BABAM2: variants seen among roughly 807,000 people sequenced by gnomAD.
The protein encoded by BABAM2 is BRISC and BRCA1 A complex member 2.
BABAM2 carries 31 observed loss-of-function variants against 54.7 expected under a neutral mutation model. The ratio of observed to expected loss-of-function variants is 0.57; its 90% CI spans 0.43 to 0.77. The LOEUF (loss-of-function observed/expected upper bound fraction) is 0.77. BABAM2 is among the 30% of genes least tolerant of loss of function. The pLI, the probability that BABAM2 is intolerant of heterozygous loss-of-function variation, is 0.00. For synonymous variants in BABAM2, 167 were observed against 162.9 expected (o/e 1.03, Z -0.19); for missense variants, 364 against 455.8 (o/e 0.80, Z 1.83).
intron 11 of BABAM2, among the ~76,000 whole-genome samples, chr2:28,333,324 C>A (rs1375985671): frequency 6.6e-6 from 1 of 152,160 alleles, no homozygotes; most frequent in Non-Finnish European, 1.5e-5. Flanking sequence ...GAGCCTGCCC[C>A]GCACAGGCTA....
At chr2:28,126,714 G>T (rs1381739680) in intron 6 of BABAM2, among the ~76,000 whole-genome samples, 1 of 131,612 alleles carries the variant, frequency 7.6e-6, no homozygotes. Flanking sequence ...CTGAGGAATC[G>T]CCACACTGAC....
chr2:28,147,114 T>C (rs72814485), intron 7 of BABAM2, among the ~76,000 whole-genome samples: 33,303 of 151,966 alleles, frequency 0.22, 4,645 homozygotes, highest in Middle Eastern at 0.33. Flanking sequence ...AGTTGCAGAG[T>C]GAAAAGCAGG....
At chr2:28,194,931 C>T (rs7600234) in intron 7 of BABAM2, among the ~76,000 whole-genome samples, 16,728 of 152,114 alleles carry the variant, frequency 0.11, 1,004 homozygotes, top group African/African-American at 0.14. Context: ...CCTGGCATCA[C>T]GTGATCCACC....
chr2:28,305,826 T>G (rs984269793), intron 11 of BABAM2, among the ~76,000 whole-genome samples: 1 of 152,140 alleles, frequency 6.6e-6, no homozygotes, highest in Admixed American at 6.5e-5. Context: ...TTTCTTAGAG[T>G]AGAAGCTTAG....
At chr2:28,316,098 A>G (rs1001131723) in intron 11 of BABAM2, among the ~76,000 whole-genome samples, 2 of 152,196 alleles carry the variant, frequency 1.3e-5, no homozygotes, top group Non-Finnish European at 2.9e-5. Context: ...ACAACAAATA[A>G]TTTAGTGTAA....
chr2:27,933,040 C>G lies in BABAM2; in HGVS notation c.205+3132C>G, dbSNP rs145036657. 6.3e-3 allele frequency among the ~76,000 whole-genome samples: 962 copies of G among 152,286 alleles called. 7 individuals carry two copies. The highest frequency in any genetic ancestry group is 7.8e-3 in the Non-Finnish European group (534 of 68,026). ...TAGAGAAGAAATGAGTGTGTGTGGT[C>G]AGTCCACAGTCTTGAGACAAAAATA... On this transcript the variant is annotated intron_variant, in intron 3 of 11. Transcript: ENST00000379624.
At chr2:28,233,105 C>A in intron 7 of BABAM2, 1 of 399,442 alleles carries the variant, frequency 2.5e-6, no homozygotes, top group South Asian at 1.9e-5. Context: ...AAGGTACCTT[C>A]TCATCAGAAC....
intron 4 of BABAM2, among the ~76,000 whole-genome samples, chr2:28,005,634 A>T (rs2148520601): frequency 6.6e-6 from 1 of 152,292 alleles, no homozygotes; most frequent in South Asian, 2.1e-4. Context: ...ATGGCTATAA[A>T]TTTGTAAGTA....
At chr2:27,926,495 C>G (rs998857195) in intron 2 of BABAM2, among the ~76,000 whole-genome samples, 1 of 152,166 alleles carries the variant, frequency 6.6e-6, no homozygotes, top group African/African-American at 2.4e-5. Context: ...ATTCAGTTTT[C>G]GGATTTCACC....
At chr2:28,223,025 A>T (rs1217006157) in intron 7 of BABAM2, among the ~76,000 whole-genome samples, 1 of 152,230 alleles carries the variant, frequency 6.6e-6, no homozygotes, top group Non-Finnish European at 1.5e-5. Context: ...TATTTAAATT[A>T]GTGGATATTT....
intron 6 of BABAM2, among the ~76,000 whole-genome samples, chr2:28,112,081 T>TACTC (rs1299159191): frequency 8.0e-5 from 9 of 113,074 alleles, no homozygotes; most frequent in South Asian, 2.9e-4. Flanking sequence ...AGATACCCAT[T>TACTC]ACTCTTTCTT....
intron 10 of BABAM2, among the ~76,000 whole-genome samples, chr2:28,288,331 T>C (rs1462751287): frequency 8.6e-6 from 1 of 116,956 alleles, no homozygotes; most frequent in Admixed American, 8.0e-5. Flanking sequence ...TTTCTTTTCT[T>C]TTTTTTTTTT....
chr2:28,009,111 C>A (rs1674195526), intron 4 of BABAM2, among the ~76,000 whole-genome samples: 5 of 152,088 alleles, frequency 3.3e-5, no homozygotes, highest in Non-Finnish European at 7.4e-5. Flanking sequence ...TGAGAAAATT[C>A]ATCGGAAAAG....
intron 6 of BABAM2, 131 bp from the exon 7 acceptor site, chr2:28,129,139 CA>C (rs1413710437): frequency 3.7e-6 from 3 of 807,742 alleles, no homozygotes; most frequent in Non-Finnish European, 6.2e-6. Context: ...AAAGGATGTG[CA>C]AAGCAGCTAA....
chr2:28,278,118 T>C (rs1686034219), intron 10 of BABAM2, among the ~76,000 whole-genome samples: 1 of 152,194 alleles, frequency 6.6e-6, no homozygotes, highest in African/African-American at 2.4e-5. Flanking sequence ...AAGGAAATAA[T>C]GTGGAGATGA....
rs1030483602 is a variant in BABAM2, at chr2:28,238,042, G to A, written c.780+741G>A. ...TTTTTATATTTTTAGTAGAGATGAGGGTTCACCATGTTGGCCAGGCTAGTC... is the reference window on the plus strand; with the variant it reads ...TTTTTATATTTTTAGTAGAGATGAGAGTTCACCATGTTGGCCAGGCTAGTC... On this transcript the variant is annotated intron_variant, in intron 8 of 11. Transcript: ENST00000379624. 3.3e-5 allele frequency among the ~76,000 whole-genome samples: 5 copies of A among 151,986 alleles called. No homozygotes were observed. In the South Asian group the frequency reaches 8.3e-4, roughly 25 times the overall value.
intron 10 of BABAM2, among the ~76,000 whole-genome samples, chr2:28,264,749 G>C (rs1684832762): frequency 6.6e-6 from 1 of 152,144 alleles, no homozygotes; most frequent in Non-Finnish European, 1.5e-5. Context: ...TCTGGGAGGT[G>C]AACAGCCCAA....
intron 10 of BABAM2, among the ~76,000 whole-genome samples, chr2:28,269,217 A>G (rs1685220911): frequency 6.6e-6 from 1 of 152,188 alleles, no homozygotes; most frequent in Admixed American, 6.5e-5. Context: ...TTGCTGGCAA[A>G]CTGTCTGTAA....
chr2:27,932,739 T>G (rs1448078843), intron 3 of BABAM2, among the ~76,000 whole-genome samples: 2 of 152,200 alleles, frequency 1.3e-5, no homozygotes, highest in Non-Finnish European at 2.9e-5. Flanking sequence ...CATTCTTGCC[T>G]CCCCTTACAC....
Sources: gnomAD v4.1 joint callset for allele counts (sites outside exome capture counted in the v4.1 genomes callset) on GRCh38, gnomAD v4.1.1 for gene constraint, MANE v1.5 for transcripts, NCBI Gene and HGNC (gene_info 2026-07-23, HGNC 2026-07-21) for gene names.